KDM4C: variants seen among roughly 807,000 people sequenced by gnomAD.
KDM4C encodes the protein lysine demethylase 4C.
KDM4C carries 81 observed loss-of-function variants against 129.3 expected under a neutral mutation model. The ratio of observed to expected loss-of-function variants is 0.63; its 90% CI spans 0.52 to 0.75. The LOEUF is 0.75. Among genes scored for constraint, KDM4C ranks in the 30% least tolerant of loss-of-function variants. KDM4C has a pLI of 0.00. For synonymous variants in KDM4C, 573 were observed against 456.1 expected (o/e 1.26, Z -3.26); for missense variants, 1,457 against 1,304.0 (o/e 1.12, Z -1.81).
In KDM4C at chr9:6,990,469, G is replaced by A; in HGVS notation, c.1731G>A (p.Arg577=). The A allele has an allele frequency of 6.2e-7, 1 of 1,613,302 alleles. No individual in the cohort carries two copies. Among genetic ancestry groups the A allele is most frequent in the Non-Finnish European group, 8.5e-7 (1 of 1,179,822 alleles). Residue 577 remains arginine, a synonymous_variant, in exon 12 of 22, where the codon AGG becomes AGA. Transcript: ENST00000381309. ...AGAGTTGGCGCCATCCACTTAGCAG[G>A]CCTCCAGCAAGATCTCCGATGACTC... The part of the protein sequence containing the change: ...TSKSWRHPLS[R]PPARSPMTLV...
chr9:6,993,578 C>G (rs1250026877), intron 12 of KDM4C, among the ~76,000 whole-genome samples: 1 of 152,170 alleles, frequency 6.6e-6, no homozygotes, highest in Non-Finnish European at 1.5e-5. Context: ...TATTCCTGCT[C>G]TTTCCTGAGT....
intron 5 of KDM4C, among the ~76,000 whole-genome samples, chr9:6,859,860 G>A (rs781414923): frequency 6.8e-5 from 9 of 132,678 alleles, no homozygotes; most frequent in Non-Finnish European, 9.7e-5. Context: ...GCGAGACTCC[G>A]TCTCAAAAAA....
intron 4 of KDM4C, among the ~76,000 whole-genome samples, chr9:6,819,983 T>G (rs1186526459): frequency 6.6e-6 from 1 of 152,154 alleles, no homozygotes; most frequent in Admixed American, 6.5e-5. Flanking sequence ...CTATTTACCT[T>G]AATCTTAAAA....
chr9:7,119,800 G>A (rs1030590767), intron 18 of KDM4C, among the ~76,000 whole-genome samples: 1 of 152,112 alleles, frequency 6.6e-6, no homozygotes, highest in African/African-American at 2.4e-5. Context: ...TGGGGCATGT[G>A]TACTTCCTGG....
chr9:6,873,092 G>T (rs1378200207), intron 5 of KDM4C, among the ~76,000 whole-genome samples: 3 of 151,986 alleles, frequency 2.0e-5, no homozygotes, highest in Admixed American at 6.5e-5. Flanking sequence ...CCACCTCTTG[G>T]GTTCAAGTGA....
chr9:6,953,266 G>A (rs560853144), intron 8 of KDM4C, among the ~76,000 whole-genome samples: 1 of 152,304 alleles, frequency 6.6e-6, no homozygotes, highest in African/African-American at 2.4e-5. Context: ...AGTGGTCTGT[G>A]TATTTAATCA....
intron 8 of KDM4C, among the ~76,000 whole-genome samples, chr9:6,972,023 A>C (rs1054221239): frequency 4.6e-5 from 7 of 152,298 alleles, no homozygotes; most frequent in African/African-American, 1.7e-4. Context: ...TGTAGGTTTT[A>C]GTGTTGAAAA....
intron 8 of KDM4C, among the ~76,000 whole-genome samples, chr9:6,934,359 A>G (rs542323803): frequency 2.0e-5 from 3 of 149,952 alleles, no homozygotes; most frequent in Admixed American, 2.0e-4. Flanking sequence ...CGGTCCCTGT[A>G]GTCCCAGCTA....
In KDM4C at chr9:7,169,875, A is replaced by C; in HGVS notation, c.2979A>C (p.Arg993Ser). The stretch of plus-strand genomic sequence containing the variant: ...CTTTAGATGAAGAGTTACCCAAGAG[A>C]GTGAAAGCTCGATTTGTAAGTGCTG... ...IYTLDEELPK[R>S]VKARFSTASD... The change falls in exon 21 of 22, where the codon AGA becomes AGC. Residue 993 changes from arginine to serine, a missense_variant. Transcript: ENST00000381309. 6.2e-7 allele frequency: 1 copy of C among 1,614,042 alleles called. No individual in the cohort carries two copies. Among genetic ancestry groups the C allele is most frequent in the Non-Finnish European group, 8.5e-7 (1 of 1,179,938 alleles).
chr9:6,858,523 G>A (rs563522753), intron 5 of KDM4C, among the ~76,000 whole-genome samples: 11 of 152,250 alleles, frequency 7.2e-5, no homozygotes, highest in Middle Eastern at 3.4e-3. Flanking sequence ...GTTAGGGCTG[G>A]GCATGGTTGG....
At chr9:7,018,417 G>T (rs892118667) in intron 15 of KDM4C, among the ~76,000 whole-genome samples, 4 of 152,184 alleles carry the variant, frequency 2.6e-5, no homozygotes, top group African/African-American at 9.7e-5. Flanking sequence ...ATTTAACACA[G>T]CCAGGAAGTC....
intron 1 of KDM4C, among the ~76,000 whole-genome samples, chr9:6,741,557 C>T (rs1191102166): frequency 6.6e-6 from 1 of 151,982 alleles, no homozygotes; most frequent in East Asian, 1.9e-4. Flanking sequence ...GAACTTATGG[C>T]AATTTATTCA....
intron 8 of KDM4C, among the ~76,000 whole-genome samples, chr9:6,942,826 G>A (rs997852671): frequency 6.6e-6 from 1 of 152,120 alleles, no homozygotes; most frequent in Non-Finnish European, 1.5e-5. Context: ...GGGAGTAAAG[G>A]ATAGTCTTAA....
intron 8 of KDM4C, among the ~76,000 whole-genome samples, chr9:6,979,790 C>T (rs868517644): frequency 6.6e-6 from 1 of 151,948 alleles, no homozygotes; most frequent in Admixed American, 6.6e-5. Context: ...CAGGAGATGC[C>T]GTAAATGGAG....
At chr9:6,942,197 C>A (rs1363517147) in intron 8 of KDM4C, among the ~76,000 whole-genome samples, 3 of 151,802 alleles carry the variant, frequency 2.0e-5, no homozygotes, top group Non-Finnish European at 4.4e-5. Flanking sequence ...ATTAAACTTA[C>A]CCATGTATTT....
upstream of KDM4C, among the ~76,000 whole-genome samples, chr9:6,752,861 G>C (rs1364521961): frequency 1.3e-5 from 2 of 152,092 alleles, no homozygotes; most frequent in Non-Finnish European, 2.9e-5. Flanking sequence ...CCTCAATGAA[G>C]ATATCTTTTA....
chr9:6,750,652 G>A (rs1818037101), intron 1 of KDM4C, among the ~76,000 whole-genome samples: 2 of 152,184 alleles, frequency 1.3e-5, no homozygotes, highest in Admixed American at 1.3e-4. Flanking sequence ...TGACACTGAG[G>A]AGAAAAGTAA....
chr9:7,055,680 A>G (rs1247668512), intron 17 of KDM4C, among the ~76,000 whole-genome samples: 1 of 152,224 alleles, frequency 6.6e-6, no homozygotes, highest in African/African-American at 2.4e-5. Flanking sequence ...GGGAGAAAAT[A>G]CAATCACACT....
chr9:6,807,400 C>G (rs1237033241), intron 3 of KDM4C, among the ~76,000 whole-genome samples: 1 of 143,712 alleles, frequency 7.0e-6, no homozygotes, highest in Non-Finnish European at 1.5e-5. Flanking sequence ...AAGTGAGGAG[C>G]GTCTCCGCCC....
Sources: gnomAD v4.1 joint callset for allele counts (sites outside exome capture counted in the v4.1 genomes callset) on GRCh38, gnomAD v4.1.1 for gene constraint, MANE v1.5 for transcripts, NCBI Gene and HGNC (gene_info 2026-07-23, HGNC 2026-07-21) for gene names.